PLCL1: variants seen among roughly 807,000 people sequenced by gnomAD.
The protein encoded by PLCL1 is inactive phospholipase C-like protein 1.
Under a neutral mutation model 84.4 loss-of-function variants are expected in PLCL1, and 41 were observed. That is an observed-to-expected ratio of 0.49 (90% CI 0.38 to 0.63). The LOEUF (loss-of-function observed/expected upper bound fraction) is 0.63. Ranked by LOEUF, PLCL1 falls within the 30% of genes least tolerant of loss-of-function variation. The probability of loss-of-function intolerance (pLI) is 0.00; values close to 1 mark genes in which losing one functional copy is unlikely to be tolerated. For synonymous variants in PLCL1, 490 were observed against 488.3 expected, an observed-to-expected ratio of 1.00 and a Z score of -0.05; for missense variants, 1,206 against 1,367.8, an observed-to-expected ratio of 0.88 and a Z score of 1.87.
In PLCL1 at chr2:198,148,024, A is replaced by G. The variant is rs1430231823; in HGVS notation, c.*1062A>G. On this transcript the variant is annotated 3_prime_UTR_variant, in exon 6 of 6. Coordinates refer to ENST00000428675, the MANE Select transcript of PLCL1 (RefSeq NM_006226.4). The stretch of plus-strand genomic sequence containing the variant: ...TTTAAGAGCTAACCAGTTACCACAC[A>G]TCTATGATATAACCCTAACACACAC... The G allele has an allele frequency of 1.3e-5, 2 of 152,338 alleles. No individual in the cohort carries two copies. The highest frequency in any genetic ancestry group is 2.4e-5 in the African/African-American group (1 of 41,468). 9.4% of individuals were successfully genotyped at this position (152,338 alleles called of 1,614,324 possible).
intron 2 of PLCL1, among the ~76,000 whole-genome samples, chr2:198,087,846 TA>T (rs534087585): frequency 1.2e-4 from 18 of 151,982 alleles, no homozygotes; most frequent in Non-Finnish European, 2.1e-4. Flanking sequence ...TTAAAGAAAA[TA>T]AATCCAGGAT....
At chr2:197,906,758 T>G (rs1044093549) in intron 1 of PLCL1, among the ~76,000 whole-genome samples, 2 of 152,212 alleles carry the variant, frequency 1.3e-5, no homozygotes, top group African/African-American at 4.8e-5. Flanking sequence ...TTTGTAGTTC[T>G]TCTTGAAGAG....
At chr2:197,968,486 T>C (rs1689793611) in intron 1 of PLCL1, among the ~76,000 whole-genome samples, 2 of 152,244 alleles carry the variant, frequency 1.3e-5, no homozygotes, top group African/African-American at 4.8e-5. Context: ...GGGTACTTTC[T>C]AGGTTTCCAA....
At chr2:197,997,243 G>C (rs1034324585) in intron 1 of PLCL1, among the ~76,000 whole-genome samples, 4 of 152,200 alleles carry the variant, frequency 2.6e-5, no homozygotes, top group African/African-American at 9.7e-5. Flanking sequence ...TGGGGCGGGG[G>C]CGTGAGCCCA....
intron 1 of PLCL1, among the ~76,000 whole-genome samples, chr2:198,074,634 G>A (rs961623784): frequency 6.6e-6 from 1 of 152,026 alleles, no homozygotes; most frequent in Non-Finnish European, 1.5e-5. Flanking sequence ...GCGAGACTCC[G>A]TCTCAAAAAC....
chr2:198,110,922 A>G (rs1458909260), intron 5 of PLCL1, among the ~76,000 whole-genome samples: 2 of 151,844 alleles, frequency 1.3e-5, no homozygotes, highest in Non-Finnish European at 2.9e-5. Context: ...AAAAAAGTAT[A>G]TTTACAAAGT....
chr2:197,884,378 T>A (rs1687881498), intron 1 of PLCL1, among the ~76,000 whole-genome samples: 1 of 152,232 alleles, frequency 6.6e-6, no homozygotes, highest in African/African-American at 2.4e-5. Flanking sequence ...CTCTTTTAGT[T>A]GTCCTAGAAG....
At chr2:198,013,669 A>G (rs1159134644) in intron 1 of PLCL1, among the ~76,000 whole-genome samples, 1 of 152,162 alleles carries the variant, frequency 6.6e-6, no homozygotes, top group Non-Finnish European at 1.5e-5. Flanking sequence ...GACCAATTAT[A>G]GACAAACATA....
At chr2:198,026,706 T>C (rs1453115737) in intron 1 of PLCL1, among the ~76,000 whole-genome samples, 1 of 152,142 alleles carries the variant, frequency 6.6e-6, no homozygotes, top group Non-Finnish European at 1.5e-5. Context: ...AATAGACCTT[T>C]CTCAAAAGAA....
chr2:197,970,235 AAGTG>A (rs1236957452), intron 1 of PLCL1, among the ~76,000 whole-genome samples: 3 of 152,222 alleles, frequency 2.0e-5, no homozygotes, highest in Non-Finnish European at 2.9e-5. Context: ...GTAAGCAGGC[AAGTG>A]AGTGTGTGTA....
chr2:197,882,096 T>A (rs1687840457), intron 1 of PLCL1, among the ~76,000 whole-genome samples: 1 of 152,060 alleles, frequency 6.6e-6, no homozygotes. Flanking sequence ...ATTATAAATA[T>A]TTAAAACATT....
intron 1 of PLCL1, among the ~76,000 whole-genome samples, chr2:197,854,542 G>T (rs947174389): frequency 1.3e-5 from 2 of 152,094 alleles, no homozygotes; most frequent in South Asian, 4.1e-4. Context: ...AAGGTATATA[G>T]TGCAAGAATT....
At chr2:198,078,958 G>A (rs985732771) in intron 1 of PLCL1, among the ~76,000 whole-genome samples, 3 of 151,934 alleles carry the variant, frequency 2.0e-5, no homozygotes, top group African/African-American at 7.2e-5. Context: ...ATTTCTAAGT[G>A]TATAAGCATT....
chr2:198,063,195 T>A lies in PLCL1; in HGVS notation c.241-20563T>A, dbSNP rs548107638. ...TTTTTCCTCTTTATTTTCAATTTTT[T>A]AAAATATCCTTAAATAAATTTATAC... On this transcript the variant is annotated intron_variant, in intron 1 of 5. Coordinates refer to ENST00000428675, the MANE Select transcript of PLCL1 (RefSeq NM_006226.4). 8.2e-4 allele frequency among the ~76,000 whole-genome samples: 119 copies of A among 145,900 alleles called. 1 individual carries two copies. Among genetic ancestry groups the A allele is most frequent in the Middle Eastern group, 3.4e-3 (1 of 290 alleles).
At chr2:197,832,740 G>A (rs1448592503) in intron 1 of PLCL1, among the ~76,000 whole-genome samples, 1 of 152,204 alleles carries the variant, frequency 6.6e-6, no homozygotes, top group Non-Finnish European at 1.5e-5. Flanking sequence ...GAACATCAAT[G>A]CGAAAATCCT....
rs560960412 is a variant in PLCL1, at chr2:197,996,418, A to G, written c.241-87340A>G. On this transcript the variant is annotated intron_variant, in intron 1 of 5. Coordinates refer to ENST00000428675, the MANE Select transcript of PLCL1 (RefSeq NM_006226.4). ...AGTCATAGAACTACATAACACAAAG[A>G]AAACTCTATTGTAAACTTTGGAATT... 4.6e-5 allele frequency among the ~76,000 whole-genome samples: 7 copies of G among 152,330 alleles called. No individual in the cohort carries two copies. The South Asian group carries it at 1.5e-3, about 32-fold the overall frequency.
chr2:198,120,434 TG>T (rs1335809633), intron 5 of PLCL1, among the ~76,000 whole-genome samples: 12 of 152,080 alleles, frequency 7.9e-5, no homozygotes, highest in African/African-American at 2.9e-4. Flanking sequence ...AACTTCTTTT[TG>T]TACCCATTAA....
intron 1 of PLCL1, among the ~76,000 whole-genome samples, chr2:198,004,643 G>A (rs1690683960): frequency 6.6e-6 from 1 of 152,072 alleles, no homozygotes; most frequent in Non-Finnish European, 1.5e-5. Flanking sequence ...ATAAATCTAA[G>A]AATTAGATGA....
chr2:197,934,111 A>G (rs770926928), intron 1 of PLCL1, among the ~76,000 whole-genome samples: 1 of 152,206 alleles, frequency 6.6e-6, no homozygotes, highest in Non-Finnish European at 1.5e-5. Context: ...TACTTAAAAT[A>G]TGAGTGTTTT....
Sources: gnomAD v4.1 joint callset for allele counts (sites outside exome capture counted in the v4.1 genomes callset) on GRCh38, gnomAD v4.1.1 for gene constraint, MANE v1.5 for transcripts, NCBI Gene and HGNC (gene_info 2026-07-23, HGNC 2026-07-21) for gene names.